Variants in WNK2 observed in about 807,000 individuals in gnomAD.
The protein encoded by WNK2 is serine/threonine-protein kinase WNK2.
In WNK2, 67 loss-of-function variants were observed where a neutral mutation model predicts 192.1. That is an observed-to-expected ratio of 0.35 (90% CI 0.29 to 0.43). The LOEUF is 0.43. WNK2 is among the 20% of genes least tolerant of loss of function. The probability of loss-of-function intolerance (pLI) is 1.00; values close to 1 mark genes in which losing one functional copy is unlikely to be tolerated. For missense variants in WNK2, 2,698 were observed against 3,089.7 expected, an observed-to-expected ratio of 0.87 and a Z score of 3.01; for synonymous variants, 1,439 against 1,393.9, an observed-to-expected ratio of 1.03 and a Z score of -0.72.
intron 2 of WNK2, among the ~76,000 whole-genome samples, chr9:93,210,134 C>T (rs926012120): frequency 1.4e-4 from 22 of 152,138 alleles, no homozygotes; most frequent in African/African-American, 5.3e-4. Context: ...GCTGATCTGC[C>T]GACGGCCTCA....
intron 19 of WNK2, among the ~76,000 whole-genome samples, chr9:93,285,533 C>T (rs947497789): frequency 2.0e-5 from 3 of 152,102 alleles, no homozygotes; most frequent in African/African-American, 7.2e-5. Context: ...TATGTAACAT[C>T]TGTATACCAA....
chr9:93,235,058 C>T (rs1031466709), intron 5 of WNK2, 93 bp downstream of exon 5: 2 of 1,477,512 alleles, frequency 1.4e-6, no homozygotes, highest in Non-Finnish European at 1.8e-6. Context: ...GTAAAGCCAT[C>T]CTGGCAGCTG....
chr9:93,274,079 G>A lies in WNK2; in HGVS notation c.4033+5333G>A, dbSNP rs1287430204. On this transcript the variant is annotated intron_variant, in intron 19 of 29. Coordinates refer to ENST00000427277, the MANE Select transcript of WNK2 (RefSeq NM_006648.4). ...AAAATAAATCCGAAGCAAGCATAAT[G>A]AAGAAAATAAAGACAAGAGCAGAAA... 2.0e-5 allele frequency among the ~76,000 whole-genome samples: 3 copies of A among 152,214 alleles called. 1 individual carries two copies. The highest frequency in any genetic ancestry group is 6.8e-3 in the Middle Eastern group (2 of 294).
At chr9:93,314,960 C>G (rs1276204713) in intron 28 of WNK2, among the ~76,000 whole-genome samples, 1 of 152,122 alleles carries the variant, frequency 6.6e-6, no homozygotes, top group Non-Finnish European at 1.5e-5. Flanking sequence ...TGTTACATTC[C>G]TTGTTACCCC....
Position 93,229,971 on chromosome 9 carries a change from C to A in WNK2, c.854+103C>A. On this transcript the variant is annotated intron_variant, in intron 3 of 29. Coordinates refer to ENST00000427277, the MANE Select transcript of WNK2 (RefSeq NM_006648.4). The surrounding 1 kb of genome is among the most constrained non-coding windows in gnomAD (Gnocchi z 4.9). Reference sequence around the variant, plus strand: ...GCTGCTGGGGTGGTCCTGGCTGGTGCCTGTGGGAGGCTGTCTCCTCTTTCC... The same window carrying A: ...GCTGCTGGGGTGGTCCTGGCTGGTGACTGTGGGAGGCTGTCTCCTCTTTCC... 7.1e-7 allele frequency: 1 copy of A among 1,416,722 alleles called. No individual in the cohort carries two copies. The highest frequency in any genetic ancestry group is 9.5e-7 in the Non-Finnish European group (1 of 1,057,988). The allele number at this position is 1,416,722 out of a possible 1,614,324, so 87.8% of individuals were successfully genotyped here. A position where few individuals can be genotyped will look rare whatever the true frequency, so the allele number is the denominator to read the frequency against.
At chr9:93,300,734 A>G (rs1482675773) in intron 26 of WNK2, among the ~76,000 whole-genome samples, 1 of 151,958 alleles carries the variant, frequency 6.6e-6, no homozygotes, top group Non-Finnish European at 1.5e-5. Context: ...CTGCACACCC[A>G]CCGCCCTGTG....
At chr9:93,277,594 T>C (rs1847127895) in intron 19 of WNK2, among the ~76,000 whole-genome samples, 1 of 152,228 alleles carries the variant, frequency 6.6e-6, no homozygotes, top group Admixed American at 6.5e-5. Context: ...CTCAAAAGGC[T>C]TCATACTGTA....
chr9:93,295,627 T>G (rs1306790911), intron 23 of WNK2, among the ~76,000 whole-genome samples: 1 of 151,866 alleles, frequency 6.6e-6, no homozygotes, highest in African/African-American at 2.4e-5. Context: ...TGGGGTGGCC[T>G]TAGGCCTTGC....
At chr9:93,206,473 C>T (rs569640311) in intron 2 of WNK2, among the ~76,000 whole-genome samples, 21 of 152,242 alleles carry the variant, frequency 1.4e-4, no homozygotes, top group African/African-American at 4.6e-4. Context: ...AAGCACGTGG[C>T]TTGCCCCACC....
chr9:93,250,975 G>T (rs1399722772), intron 8 of WNK2, among the ~76,000 whole-genome samples: 2 of 46,668 alleles, frequency 4.3e-5, no homozygotes, highest in African/African-American at 2.3e-4. Context: ...TAGTAGAGAC[G>T]GGGTTTTGCC....
Position 93,297,984 on chromosome 9 carries a change from GA to G in WNK2, c.5845del (p.Thr1949ProfsTer6). On this transcript the variant is annotated frameshift_variant, in exon 24 of 30. Transcript: ENST00000427277. LOFTEE classifies it high-confidence loss of function. ...ACGGCACCCCCCACTGGCCGCCGGA[GA>G]AAAACCAGCAAGAGCAAGCTGAAGG... ...FHTAPPTGRR[R>X]KTSKSKLKAG... 6.4e-7 allele frequency: 1 copy of G among 1,565,164 alleles called. No individual in the cohort carries two copies.
At chr9:93,299,323 C>T (rs539021411) in intron 25 of WNK2, 62 bp downstream of exon 25, 375 of 1,508,638 alleles carry the variant, frequency 2.5e-4, no homozygotes, top group Non-Finnish European at 3.1e-4. Context: ...AGTGGTGTCC[C>T]CAGGAGCACG....
intron 19 of WNK2, 67 bp downstream of exon 19, chr9:93,268,813 C>A: frequency 6.3e-7 from 1 of 1,581,598 alleles, no homozygotes; most frequent in African/African-American, 1.4e-5. Context: ...CTGTGCATGA[C>A]CCAGCCGGTA....
At chr9:93,241,817 G>A (rs1373814890) in intron 7 of WNK2, among the ~76,000 whole-genome samples, 7 of 152,156 alleles carry the variant, frequency 4.6e-5, no homozygotes, top group Admixed American at 3.3e-4. Flanking sequence ...TGTAGGTTAC[G>A]CCGTGAGGTC....
chr9:93,299,399 T>G, intron 25 of WNK2, 138 bp downstream of exon 25: 1 of 698,020 alleles, frequency 1.4e-6, no homozygotes, highest in Non-Finnish European at 2.0e-6. Context: ...TTAAAAAGGA[T>G]AAAAAAAAAA....
intron 21 of WNK2, among the ~76,000 whole-genome samples, chr9:93,291,703 G>A (rs1381860867): frequency 6.6e-6 from 1 of 152,230 alleles, no homozygotes; most frequent in Non-Finnish European, 1.5e-5. Flanking sequence ...CGGCGCATAG[G>A]TCTGGCTCAT....
chr9:93,205,210 C>G (rs549313740), intron 2 of WNK2, among the ~76,000 whole-genome samples: 2 of 152,192 alleles, frequency 1.3e-5, no homozygotes, highest in Non-Finnish European at 2.9e-5. Flanking sequence ...GCTTGAGGAG[C>G]ACTGGGCTGG....
At chr9:93,195,011 A>T (rs1830985795) in intron 2 of WNK2, among the ~76,000 whole-genome samples, 1 of 150,238 alleles carries the variant, frequency 6.7e-6, no homozygotes, top group African/African-American at 2.5e-5. Flanking sequence ...ACGAGAAACC[A>T]TGAAGACAGT....
chr9:93,301,028 A>G (rs953758965), intron 26 of WNK2, among the ~76,000 whole-genome samples: 3 of 152,124 alleles, frequency 2.0e-5, no homozygotes, highest in African/African-American at 7.2e-5. Flanking sequence ...AGTTCCTCCA[A>G]TTGCTACTAA....
Sources: gnomAD v4.1 joint callset for allele counts (sites outside exome capture counted in the v4.1 genomes callset) on GRCh38, gnomAD v4.1.1 for gene constraint, Gnocchi (gnomAD v3.1) non-coding constraint, MANE v1.5 for transcripts, NCBI Gene and HGNC (gene_info 2026-07-23, HGNC 2026-07-21) for gene names.